Variants in ANO2 observed in about 807,000 individuals in gnomAD.
The protein encoded by ANO2 is anoctamin-2.
Under a neutral mutation model 124.2 loss-of-function variants are expected in ANO2, and 101 were observed. The observed-to-expected ratio is 0.81, with a 90% CI of 0.69 to 0.96. ANO2 has a LOEUF of 0.96. Among genes scored for constraint, ANO2 ranks in the 40% least tolerant of loss-of-function variants. ANO2 has a pLI of 0.00. For synonymous variants in ANO2, 486 were observed against 482.5 expected, an observed-to-expected ratio of 1.01 and a Z score of -0.09; for missense variants, 1,293 against 1,274.5, an observed-to-expected ratio of 1.01 and a Z score of -0.22.
chr12:5,798,309 G>C (rs1463615783), intron 10 of ANO2, among the ~76,000 whole-genome samples: 1 of 152,078 alleles, frequency 6.6e-6, no homozygotes, highest in South Asian at 2.1e-4. Context: ...TTGGTTCACG[G>C]TCCTCAGCTG....
At chr12:5,695,841 T>TAATA (rs1322489577) in intron 14 of ANO2, among the ~76,000 whole-genome samples, 1 of 152,132 alleles carries the variant, frequency 6.6e-6, no homozygotes, top group Admixed American at 6.5e-5. Flanking sequence ...ACTCCATCTC[T>TAATA]AATAAATAAA....
At chr12:5,647,880 G>A (rs757534355) in intron 14 of ANO2, 79 bp from the exon 15 acceptor site, 1 of 1,041,806 alleles carries the variant, frequency 9.6e-7, no homozygotes, top group Non-Finnish European at 1.5e-6. Flanking sequence ...GCATATATTT[G>A]CATGCGATTG....
At chr12:5,579,726 C>T (rs1942632270) in intron 20 of ANO2, among the ~76,000 whole-genome samples, 1 of 152,166 alleles carries the variant, frequency 6.6e-6, no homozygotes, top group Non-Finnish European at 1.5e-5. Flanking sequence ...TTATAATCTG[C>T]CTCCAATCTG....
intron 14 of ANO2, among the ~76,000 whole-genome samples, chr12:5,657,492 A>ATTT (rs58508961): frequency 1.0e-4 from 15 of 146,974 alleles, no homozygotes; most frequent in East Asian, 2.0e-4. Flanking sequence ...ATACTTTTCC[A>ATTT]TTTTTTTTTT....
rs140818311 is a variant in ANO2 at position 5,595,691 on chromosome 12, G to A, written c.2233+3793C>T. 6.2e-3 allele frequency among the ~76,000 whole-genome samples: 950 copies of A among 152,254 alleles called. 5 individuals are homozygous for A. Among genetic ancestry groups the A allele is most frequent in the Non-Finnish European group, 0.011 (734 of 68,022 alleles). On this transcript the variant is annotated intron_variant, in intron 20 of 24. Coordinates refer to ENST00000682330, the MANE Select transcript of ANO2 (RefSeq NM_001364791.2). The stretch of plus-strand genomic sequence containing the variant: ...ATTCAGTAAGATGCCATCAGCGTGT[G>A]TACCAAACACAATACTAGGACAGAA...
intron 20 of ANO2, among the ~76,000 whole-genome samples, chr12:5,578,904 CACA>C (rs551543238): frequency 3.5e-4 from 53 of 152,196 alleles, no homozygotes; most frequent in Non-Finnish European, 6.8e-4. Context: ...ATGGTTTTGT[CACA>C]ACGACTCAAC....
intron 3 of ANO2, among the ~76,000 whole-genome samples, chr12:5,890,049 T>A (rs1939284935): frequency 6.6e-6 from 1 of 152,082 alleles, no homozygotes; most frequent in South Asian, 2.1e-4. Flanking sequence ...AATTCCATTT[T>A]TTTTTTTTTT....
At chr12:5,877,574 A>G (rs1211456215) in intron 3 of ANO2, among the ~76,000 whole-genome samples, 4 of 152,196 alleles carry the variant, frequency 2.6e-5, no homozygotes, top group Non-Finnish European at 5.9e-5. Flanking sequence ...CAATTATGTG[A>G]TCTTGGGCAA....
At chr12:5,615,101 G>A (rs1944733683) in intron 17 of ANO2, 85 bp downstream of exon 17, 3 of 1,062,574 alleles carry the variant, frequency 2.8e-6, no homozygotes, top group African/African-American at 1.6e-5. Context: ...GGACAATGGG[G>A]ACAGGCTGAC....
intron 16 of ANO2, among the ~76,000 whole-genome samples, chr12:5,634,342 G>A (rs963486716): frequency 6.6e-6 from 1 of 152,136 alleles, no homozygotes; most frequent in Admixed American, 6.5e-5. Flanking sequence ...TGAATTAAAG[G>A]CATCATACGT....
intron 14 of ANO2, among the ~76,000 whole-genome samples, chr12:5,722,761 G>C (rs914802313): frequency 6.6e-6 from 1 of 152,110 alleles, no homozygotes; most frequent in African/African-American, 2.4e-5. Context: ...CCCACAACCA[G>C]AGCCCAGAAC....
intron 10 of ANO2, among the ~76,000 whole-genome samples, chr12:5,764,259 A>G (rs898287845): frequency 6.6e-6 from 1 of 152,226 alleles, no homozygotes; most frequent in African/African-American, 2.4e-5. Flanking sequence ...TGGCAGAGCA[A>G]CAATTTTATC....
intron 4 of ANO2, among the ~76,000 whole-genome samples, chr12:5,838,607 G>A (rs1472937234): frequency 1.3e-5 from 2 of 152,126 alleles, no homozygotes; most frequent in African/African-American, 4.8e-5. Flanking sequence ...CTCCTCTCCC[G>A]CCTGGATGAC....
chr12:5,869,941 G>C (rs1262252428), intron 3 of ANO2, among the ~76,000 whole-genome samples: 1 of 152,110 alleles, frequency 6.6e-6, no homozygotes, highest in Admixed American at 6.5e-5. Flanking sequence ...CTACTGCCTT[G>C]AACCACTGTG....
chr12:5,772,631 T>C (rs1031369290), intron 10 of ANO2, among the ~76,000 whole-genome samples: 2 of 152,202 alleles, frequency 1.3e-5, no homozygotes, highest in Non-Finnish European at 2.9e-5. Context: ...TGTTGGAACA[T>C]CTTGTTTTTT....
At chr12:5,728,754 C>T (rs1380462631) in intron 14 of ANO2, among the ~76,000 whole-genome samples, 2 of 152,110 alleles carry the variant, frequency 1.3e-5, no homozygotes. Context: ...TATATAGGCA[C>T]AGCAGTCAAG....
intron 23 of ANO2, among the ~76,000 whole-genome samples, 167 bp downstream of exon 23, chr12:5,575,667 G>A (rs1482573854): frequency 6.6e-6 from 1 of 152,200 alleles, no homozygotes; most frequent in Admixed American, 6.5e-5. Flanking sequence ...AAGATGTATG[G>A]TAAAAATATG....
At chr12:5,922,972 A>G (rs12817050) in intron 1 of ANO2, among the ~76,000 whole-genome samples, 168 bp from the exon 2 acceptor site, 92,464 of 151,294 alleles carry the variant, frequency 0.61, 28,651 homozygotes, top group East Asian at 0.8. Flanking sequence ...GACCACAAGG[A>G]AGGGAGCATG....
chr12:5,869,043 G>A (rs549182081), intron 3 of ANO2, among the ~76,000 whole-genome samples: 14 of 152,274 alleles, frequency 9.2e-5, no homozygotes, highest in South Asian at 2.1e-4. Flanking sequence ...AGGTGATGAG[G>A]GCTTGGAGCA....
Sources: allele counts gnomAD v4.1 joint callset (sites outside exome capture counted in the v4.1 genomes callset), GRCh38; gene constraint gnomAD v4.1.1; transcripts MANE v1.5; gene names NCBI Gene and HGNC (gene_info 2026-07-23, HGNC 2026-07-21).